SBF2: variants seen among roughly 807,000 people sequenced by gnomAD.
The protein encoded by SBF2 is SET binding factor 2.
A neutral mutation model predicts 225.2 loss-of-function variants in SBF2; 112 were observed. That is an observed-to-expected ratio of 0.50 (90% CI 0.43 to 0.58). SBF2 has a LOEUF of 0.58. Ranked by LOEUF, SBF2 falls within the 20% of genes least tolerant of loss-of-function variation. The pLI is 0.00. For missense variants in SBF2, 1,996 were observed against 2,206.2 expected (o/e 0.90, Z 1.91); for synonymous variants, 763 against 773.3 (o/e 0.99, Z 0.22).
At chr11:10,098,968 T>C (rs752923709) in intron 2 of SBF2, among the ~76,000 whole-genome samples, 4 of 151,786 alleles carry the variant, frequency 2.6e-5, no homozygotes, top group Non-Finnish European at 5.9e-5. Flanking sequence ...AAAAAGGATT[T>C]ATGGGACAAA....
intron 17 of SBF2, among the ~76,000 whole-genome samples, chr11:9,880,858 A>G (rs80078966): frequency 0.075 from 11,409 of 152,244 alleles, 647 homozygotes; most frequent in East Asian, 0.29. Flanking sequence ...GCCTGCTACA[A>G]AATTCTGCCC....
intron 1 of SBF2, among the ~76,000 whole-genome samples, chr11:10,282,001 A>G (rs1353922962): frequency 2.0e-5 from 3 of 152,278 alleles, no homozygotes; most frequent in Admixed American, 2.0e-4. Context: ...ACTAGACTAC[A>G]TGAGGTTTAT....
intron 17 of SBF2, among the ~76,000 whole-genome samples, chr11:9,878,073 T>C (rs971844541): frequency 6.6e-6 from 1 of 152,204 alleles, no homozygotes; most frequent in African/African-American, 2.4e-5. Context: ...TTCCTGACTT[T>C]TTAATGACCG....
chr11:9,868,045 G>A lies in SBF2; in HGVS notation c.1930-9649C>T, dbSNP rs906206247. 2.0e-4 allele frequency among the ~76,000 whole-genome samples: 30 copies of A among 152,188 alleles called. 1 individual carries two copies. Among genetic ancestry groups the A allele is most frequent in the Admixed American group, 1.6e-3 (24 of 15,272 alleles). ...CAAAGAAATGACAAATGTTTGAGGT[G>A]ATGGATATTCTAATTACCCTGATTT... On this transcript the variant is annotated intron_variant, in intron 17 of 39. Coordinates refer to ENST00000256190, the MANE Select transcript of SBF2 (RefSeq NM_030962.4).
chr11:9,839,748 G>A, intron 25 of SBF2, 52 bp from the exon 26 acceptor site: 1 of 1,515,900 alleles, frequency 6.6e-7, no homozygotes, highest in Non-Finnish European at 9.2e-7. Flanking sequence ...AAGCAATTGA[G>A]GTCTTCAGGG....
intron 33 of SBF2, chr11:9,790,896 C>CTGA (rs1346454334): frequency 5.6e-5 from 25 of 448,294 alleles, no homozygotes; most frequent in Admixed American, 3.8e-5. Flanking sequence ...GAGGAAACAT[C>CTGA]TGATAAAGTT....
At chr11:10,293,784 C>G (rs2133627914) in intron 1 of SBF2, among the ~76,000 whole-genome samples, 1 of 152,316 alleles carries the variant, frequency 6.6e-6, no homozygotes, top group South Asian at 2.1e-4. Flanking sequence ...GCGGGTGCGC[C>G]CAGGGGCTGG....
intron 2 of SBF2, among the ~76,000 whole-genome samples, chr11:10,070,675 GT>G: frequency 6.6e-6 from 1 of 152,110 alleles, no homozygotes. Flanking sequence ...CTTTAAAATA[GT>G]TTTTTTCCAA....
intron 17 of SBF2, among the ~76,000 whole-genome samples, chr11:9,867,569 A>G (rs1428385238): frequency 6.6e-6 from 1 of 152,232 alleles, no homozygotes. Context: ...CAAAGAGATT[A>G]CATTTATTAT....
intron 12 of SBF2, among the ~76,000 whole-genome samples, chr11:9,991,727 C>T (rs1056595696): frequency 1.3e-5 from 2 of 152,116 alleles, no homozygotes; most frequent in African/African-American, 4.8e-5. Context: ...CACATCTGCC[C>T]TATTTCTCCC....
At chr11:9,798,875 C>T (rs1409227474) in intron 32 of SBF2, among the ~76,000 whole-genome samples, 1 of 149,722 alleles carries the variant, frequency 6.7e-6, no homozygotes, top group Admixed American at 6.7e-5. Context: ...TGGCATGAAA[C>T]TGGGAGGCGG....
At chr11:10,272,589 C>T (rs1235092311) in intron 1 of SBF2, among the ~76,000 whole-genome samples, 8 of 151,876 alleles carry the variant, frequency 5.3e-5, no homozygotes, top group Non-Finnish European at 8.8e-5. Context: ...CAGGGCAACA[C>T]GGCAAAACCC....
intron 1 of SBF2, among the ~76,000 whole-genome samples, chr11:10,284,543 C>T (rs1162754809): frequency 3.3e-5 from 5 of 152,116 alleles, no homozygotes; most frequent in South Asian, 4.1e-4. Flanking sequence ...CATGCATTAA[C>T]TCTTTTTTCC....
intron 1 of SBF2, among the ~76,000 whole-genome samples, chr11:10,245,115 C>T (rs752296352): frequency 8.0e-6 from 1 of 125,232 alleles, no homozygotes; most frequent in East Asian, 2.3e-4. Flanking sequence ...GCATGGGCAA[C>T]GGAGTGAGAC....
At chr11:9,925,349 CT>C (rs1464308266) in intron 16 of SBF2, among the ~76,000 whole-genome samples, 1 of 152,046 alleles carries the variant, frequency 6.6e-6, no homozygotes, top group African/African-American at 2.4e-5. Context: ...GTGATCTTGG[CT>C]CACTGCAACC....
rs538961208 is a variant in SBF2 at position 9,916,598 on chromosome 11, C to CTTTTTT, written c.1861-20593_1861-20588dup. Among the ~76,000 whole-genome samples, 2 of 138,752 alleles carry CTTTTTT rather than the reference C, an allele frequency of 1.4e-5. 1 individual carries two copies. Among genetic ancestry groups the CTTTTTT allele is most frequent in the Non-Finnish European group, 3.1e-5 (2 of 64,842 alleles). 91.0% of individuals were successfully genotyped at this position (138,752 alleles called of 152,430 possible). The stretch of plus-strand genomic sequence containing the variant: ...AACTTACATCTTTTTCTTTCTTTTC[C>CTTTTTT]TTTTTTTTCTTTTTTTTGAGACAGG... On this transcript the variant is annotated intron_variant, in intron 16 of 39. Coordinates refer to ENST00000256190, the MANE Select transcript of SBF2 (RefSeq NM_030962.4).
intron 1 of SBF2, among the ~76,000 whole-genome samples, chr11:10,196,320 C>T (rs1957352631): frequency 6.6e-6 from 1 of 152,068 alleles, no homozygotes; most frequent in Non-Finnish European, 1.5e-5. Context: ...AATCACATCC[C>T]TACATTGTTT....
intron 2 of SBF2, among the ~76,000 whole-genome samples, chr11:10,067,230 G>C (rs1950659566): frequency 6.6e-6 from 1 of 152,168 alleles, no homozygotes; most frequent in African/African-American, 2.4e-5. Context: ...CAAATAGGAA[G>C]ATGTATATTG....
chr11:9,972,208 G>T (rs73402492), intron 13 of SBF2, among the ~76,000 whole-genome samples: 2 of 151,956 alleles, frequency 1.3e-5, no homozygotes, highest in African/African-American at 4.8e-5. Context: ...TACTTCATAA[G>T]GTTCTTATGA....
Sources: allele counts gnomAD v4.1 joint callset (sites outside exome capture counted in the v4.1 genomes callset), GRCh38; gene constraint gnomAD v4.1.1; transcripts MANE v1.5; gene names NCBI Gene and HGNC (gene_info 2026-07-23, HGNC 2026-07-21).